FBXL17: variants seen among roughly 807,000 people sequenced by gnomAD.
FBXL17 encodes the protein F-box and leucine rich repeat protein 17, also known as F-box/LRR-repeat protein 17.
FBXL17 carries 22 observed loss-of-function variants against 66.2 expected under a neutral mutation model. The observed-to-expected ratio is 0.33, with a 90% CI of 0.24 to 0.47. FBXL17 has a LOEUF of 0.47. FBXL17 is among the 20% of genes least tolerant of loss of function. The pLI, the probability that FBXL17 is intolerant of heterozygous loss-of-function variation, is 1.00. For missense variants in FBXL17, 878 were observed against 948.2 expected (o/e 0.93, Z 0.97); for synonymous variants, 474 against 400.5 (o/e 1.18, Z -2.19).
intron 6 of FBXL17, among the ~76,000 whole-genome samples, chr5:108,105,677 TA>T (rs2149946047): frequency 6.6e-6 from 1 of 152,354 alleles, no homozygotes; most frequent in African/African-American, 2.4e-5. Context: ...AGACAAATTA[TA>T]AAATTCCTCC....
At chr5:107,972,625 T>C (rs939871201) in intron 7 of FBXL17, among the ~76,000 whole-genome samples, 9 of 152,194 alleles carry the variant, frequency 5.9e-5, no homozygotes, top group Non-Finnish European at 1.0e-4. Context: ...ATTCTATTTT[T>C]ATATGTTATT....
chr5:108,288,423 A>G (rs1757985542), intron 4 of FBXL17, among the ~76,000 whole-genome samples: 1 of 152,092 alleles, frequency 6.6e-6, no homozygotes, highest in African/African-American at 2.4e-5. Flanking sequence ...CAAATCTTCA[A>G]TTTGTAAAAC....
chr5:107,923,486 AG>A (rs1361348264), intron 7 of FBXL17, among the ~76,000 whole-genome samples: 2 of 152,146 alleles, frequency 1.3e-5, no homozygotes, highest in African/African-American at 4.8e-5. Flanking sequence ...TCCCAAATAC[AG>A]TTCCACAGCT....
At chr5:108,184,723 G>A (rs1222582783) in intron 6 of FBXL17, among the ~76,000 whole-genome samples, 3 of 141,720 alleles carry the variant, frequency 2.1e-5, no homozygotes, top group Non-Finnish European at 3.0e-5. Context: ...ACTCCAGCCC[G>A]GGTGCCAAAG....
intron 4 of FBXL17, among the ~76,000 whole-genome samples, chr5:108,229,805 C>A (rs114049602): frequency 0.12 from 18,375 of 152,060 alleles, 1,348 homozygotes; most frequent in Admixed American, 0.16. Flanking sequence ...AGAAAATCTT[C>A]AAAATCTATG....
intron 6 of FBXL17, among the ~76,000 whole-genome samples, chr5:108,083,430 T>G (rs1314916367): frequency 6.6e-6 from 1 of 152,210 alleles, no homozygotes; most frequent in Non-Finnish European, 1.5e-5. Context: ...AGACAAGGTC[T>G]TGCTTTGTCA....
At chr5:108,100,536 T>C (rs1277883879) in intron 6 of FBXL17, among the ~76,000 whole-genome samples, 2 of 152,206 alleles carry the variant, frequency 1.3e-5, no homozygotes, top group East Asian at 1.9e-4. Flanking sequence ...ACTTGCATAA[T>C]GTAGGTTCTT....
intron 7 of FBXL17, among the ~76,000 whole-genome samples, chr5:107,928,701 A>G (rs762092788): frequency 1.3e-5 from 2 of 152,078 alleles, no homozygotes; most frequent in African/African-American, 4.8e-5. Flanking sequence ...AGGATTATCT[A>G]CTATATTATT....
chr5:108,046,815 C>T (rs944091256), intron 6 of FBXL17, among the ~76,000 whole-genome samples: 2 of 152,158 alleles, frequency 1.3e-5, no homozygotes, highest in Non-Finnish European at 2.9e-5. Context: ...CCATCAAATA[C>T]AATTTAGAAA....
intron 5 of FBXL17, among the ~76,000 whole-genome samples, chr5:108,201,568 ACT>A (rs1443027691): frequency 6.6e-6 from 1 of 152,082 alleles, no homozygotes; most frequent in East Asian, 1.9e-4. Context: ...ATTATATTTA[ACT>A]CTGTAATTCT....
intron 7 of FBXL17, among the ~76,000 whole-genome samples, chr5:107,909,119 T>C (rs572055994): frequency 6.6e-6 from 1 of 152,262 alleles, no homozygotes; most frequent in African/African-American, 2.4e-5. Context: ...TGAACAAAAT[T>C]AAATGAATTC....
chr5:107,863,199 T>C (rs1189514625), intron 8 of FBXL17, among the ~76,000 whole-genome samples: 1 of 151,436 alleles, frequency 6.6e-6, no homozygotes, highest in Non-Finnish European at 1.5e-5. Context: ...CTGATGAATT[T>C]AATATAATTT....
intron 6 of FBXL17, among the ~76,000 whole-genome samples, chr5:108,078,561 TGGGATCTC>T (rs1244598332): frequency 6.6e-6 from 1 of 152,206 alleles, no homozygotes; most frequent in Non-Finnish European, 1.5e-5. Flanking sequence ...CTTCTCTAGC[TGGGATCTC>T]GGAAAGATTA....
intron 6 of FBXL17, among the ~76,000 whole-genome samples, chr5:108,083,752 A>G (rs1328839174): frequency 6.6e-6 from 1 of 152,124 alleles, no homozygotes; most frequent in Non-Finnish European, 1.5e-5. Context: ...GGCTTAAAGC[A>G]TACTGGAAAT....
At position 108,380,770 on chromosome 5, in the gene FBXL17, A is replaced by G; in HGVS notation, c.922T>C (p.Cys308Arg). The change falls in exon 1 of 9, where the codon TGC becomes CGC. Residue 308 changes from cysteine (C) to arginine (R), a missense_variant. Cys to Arg is a radical substitution (Grantham distance 180). Coordinates refer to ENST00000542267, the MANE Select transcript of FBXL17 (RefSeq NM_001163315.3). ...ADCRESPENPCDCHREPPPET... is the reference protein window; with the variant it reads ...ADCRESPENPRDCHREPPPET... The stretch of plus-strand genomic sequence containing the variant: ...GGGGGCGGCTCCCTGTGACAGTCGC[A>G]GGGGTTTTCGGGGGACTCCCGACAG... 8.0e-7 allele frequency: 1 copy of G among 1,248,958 alleles called. No homozygotes were observed. Among genetic ancestry groups the G allele is most frequent in the Non-Finnish European group, 1.0e-6 (1 of 988,850 alleles). 77.4% of individuals were successfully genotyped at this position (1,248,958 alleles called of 1,614,324 possible).
chr5:108,100,069 T>C (rs917596795), intron 6 of FBXL17, among the ~76,000 whole-genome samples: 2 of 152,180 alleles, frequency 1.3e-5, no homozygotes, highest in African/African-American at 4.8e-5. Context: ...ACCTAAGCAT[T>C]TCAGGTATCA....
rs143302171 is a variant in FBXL17 at position 108,075,420 on chromosome 5, G to A, written c.1746-54419C>T. Among the ~76,000 whole-genome samples, 741 of 152,314 alleles carry A rather than the reference G, an allele frequency of 4.9e-3. 10 individuals carry two copies. Among genetic ancestry groups the A allele is most frequent in the African/African-American group, 0.017 (719 of 41,564 alleles). Reference sequence around the variant, plus strand: ...AAAATTCCATAAGGGCTTCAATCATGTGAAACAGATAAACTTTACTTTTTC... The same window carrying A: ...AAAATTCCATAAGGGCTTCAATCATATGAAACAGATAAACTTTACTTTTTC... On this transcript the variant is annotated intron_variant, in intron 6 of 8. Coordinates refer to ENST00000542267, the MANE Select transcript of FBXL17 (RefSeq NM_001163315.3).
chr5:108,246,874 T>C (rs1284803375), intron 4 of FBXL17, among the ~76,000 whole-genome samples: 2 of 152,202 alleles, frequency 1.3e-5, no homozygotes, highest in African/African-American at 4.8e-5. Context: ...TGCTCAATGA[T>C]GTATTTGGAT....
At chr5:108,034,216 T>C (rs1746753951) in intron 6 of FBXL17, among the ~76,000 whole-genome samples, 1 of 152,218 alleles carries the variant, frequency 6.6e-6, no homozygotes, top group African/African-American at 2.4e-5. Context: ...ATATTACATG[T>C]AGTTCTCCAC....
Sources: allele counts gnomAD v4.1 joint callset (sites outside exome capture counted in the v4.1 genomes callset), GRCh38; gene constraint gnomAD v4.1.1; transcripts MANE v1.5; gene names NCBI Gene and HGNC (gene_info 2026-07-23, HGNC 2026-07-21).